EPHB2: variants seen among roughly 807,000 people sequenced by gnomAD.
EPHB2 encodes EPH receptor B2.
In EPHB2, 18 loss-of-function variants were observed where a neutral mutation model predicts 96.4. That is an observed-to-expected ratio of 0.19 (90% CI 0.13 to 0.28). EPHB2 has a LOEUF of 0.28. EPHB2 is among the 10% of genes least tolerant of loss of function. EPHB2 has a pLI of 1.00. For synonymous variants in EPHB2, 506 were observed against 534.1 expected, an observed-to-expected ratio of 0.95 and a Z score of 0.72; for missense variants, 989 against 1,355.4, an observed-to-expected ratio of 0.73 and a Z score of 4.25.
intron 9 of EPHB2, among the ~76,000 whole-genome samples, chr1:22,905,096 T>G (rs1254776719): frequency 6.6e-6 from 1 of 152,206 alleles, no homozygotes; most frequent in Non-Finnish European, 1.5e-5. Context: ...GGAAGATGGA[T>G]GGGTCATCTT....
chr1:22,721,773 A>C (rs1455670904), intron 1 of EPHB2, among the ~76,000 whole-genome samples: 5 of 147,686 alleles, frequency 3.4e-5, no homozygotes, highest in Non-Finnish European at 5.9e-5. Context: ...CTGCCACCGC[A>C]TCCAGCATTT....
intron 3 of EPHB2, among the ~76,000 whole-genome samples, chr1:22,819,148 A>G (rs955632920): frequency 3.3e-5 from 5 of 150,602 alleles, no homozygotes; most frequent in African/African-American, 4.9e-5. Context: ...CCTGAATTAG[A>G]TGACTTCTCA....
At chr1:22,821,156 C>T (rs1026330254) in intron 3 of EPHB2, among the ~76,000 whole-genome samples, 1 of 152,136 alleles carries the variant, frequency 6.6e-6, no homozygotes, top group South Asian at 2.1e-4. Context: ...AAAGAGGAAG[C>T]GGTAAAGATA....
At chr1:22,817,204 G>A (rs1194037138) in intron 3 of EPHB2, among the ~76,000 whole-genome samples, 2 of 152,174 alleles carry the variant, frequency 1.3e-5, no homozygotes, top group African/African-American at 4.8e-5. Context: ...GCTTTGATGG[G>A]ACCACCTGTG....
chr1:22,801,623 G>A (rs1048454371), intron 3 of EPHB2, among the ~76,000 whole-genome samples: 5 of 152,128 alleles, frequency 3.3e-5, no homozygotes, highest in African/African-American at 1.2e-4. Context: ...CACACGAGGG[G>A]ATGGCCTACA....
rs1228368009 is a variant in EPHB2, at chr1:22,910,479, G to A, written c.2600G>A (p.Arg867His). 10 of 1,612,998 alleles carry A rather than the reference G, an allele frequency of 6.2e-6. No homozygotes were observed. Among genetic ancestry groups the A allele is most frequent in the South Asian group, 4.4e-5 (4 of 91,086 alleles). The change falls in exon 14 of 16, where the codon CGC becomes CAC. Residue 867 changes from arginine to histidine, a missense_variant. Transcript: ENST00000374630. ...ATGCTGGACTGTTGGCAGAAGGACC[G>A]CAACCACCGGCCCAAGTTCGGCCAA... Reference protein sequence around the residue: ...QLMLDCWQKDRNHRPKFGQIV... With the variant: ...QLMLDCWQKDHNHRPKFGQIV...
chr1:22,913,864 G>A lies in EPHB2; in HGVS notation c.*294G>A, dbSNP rs748207756. 4 of 1,597,986 alleles carry A rather than the reference G, an allele frequency of 2.5e-6. No homozygotes were observed. Among genetic ancestry groups the A allele is most frequent in the Admixed American group, 1.8e-5 (1 of 56,494 alleles). ...AGGAAAGCAATGACTGTTCTTGCGG[G>A]GGATAAAAAAGGGCTTGGGAGATTC... On this transcript the variant is annotated 3_prime_UTR_variant, in exon 16 of 16. Transcript: ENST00000374630. The surrounding 1 kb of genome is among the most constrained non-coding windows in gnomAD (Gnocchi z 4.1).
chr1:22,765,846 C>A (rs1383573620), intron 1 of EPHB2, among the ~76,000 whole-genome samples: 2 of 152,146 alleles, frequency 1.3e-5, no homozygotes, highest in African/African-American at 2.4e-5. Context: ...AACCTCCCCA[C>A]CCTGGGAACC....
intron 5 of EPHB2, among the ~76,000 whole-genome samples, chr1:22,877,899 A>G (rs529577597): frequency 4.2e-4 from 64 of 152,264 alleles, no homozygotes; most frequent in Non-Finnish European, 8.1e-4. Flanking sequence ...CTGCTGAAGT[A>G]GAATCTCAGT....
rs1332401997 is a variant in EPHB2, at chr1:22,906,677, G to A, written c.1889-33G>A. The stretch of plus-strand genomic sequence containing the variant: ...AAGGTGGCCCTTCCACCTGGCAAGT[G>A]ACATCCTGTCTGTCTTGGTGTTTCT... On this transcript the variant is annotated intron_variant, in intron 10 of 15. Coordinates refer to ENST00000374630, the MANE Select transcript of EPHB2 (RefSeq NM_017449.5). This position sits in a 1 kb window ranked among gnomAD's most constrained non-coding sequence, Gnocchi z 4.8. The A allele has an allele frequency of 2.5e-6, 4 of 1,613,790 alleles. No individual in the cohort carries two copies. Among genetic ancestry groups the A allele is most frequent in the South Asian group, 1.1e-5 (1 of 90,998 alleles).
chr1:22,814,438 T>A (rs1465810333), intron 3 of EPHB2, among the ~76,000 whole-genome samples: 3 of 152,026 alleles, frequency 2.0e-5, no homozygotes, highest in Non-Finnish European at 4.4e-5. Context: ...GGAGGTGGGC[T>A]TATATACCTA....
chr1:22,774,710 G>A, intron 1 of EPHB2: 1 of 752,056 alleles, frequency 1.3e-6, no homozygotes, highest in Non-Finnish European at 1.6e-6. Flanking sequence ...CCTTCAGGCA[G>A]CAGGAGCTCT....
intron 3 of EPHB2, among the ~76,000 whole-genome samples, chr1:22,792,433 G>A (rs769818454): frequency 5.9e-5 from 9 of 152,176 alleles, no homozygotes; most frequent in Middle Eastern, 3.2e-3. Flanking sequence ...CCAGGGCTGA[G>A]ACCACACAGG....
At chr1:22,729,126 T>C (rs1643648931) in intron 1 of EPHB2, among the ~76,000 whole-genome samples, 1 of 152,232 alleles carries the variant, frequency 6.6e-6, no homozygotes, top group South Asian at 2.1e-4. Context: ...CCTGAACTTC[T>C]GGGCAGGTTG....
chr1:22,847,529 A>G (rs940518894), intron 3 of EPHB2, among the ~76,000 whole-genome samples: 5 of 152,172 alleles, frequency 3.3e-5, no homozygotes, highest in African/African-American at 1.2e-4. Flanking sequence ...ACAAAAAGGA[A>G]ACAGGAAAGC....
intron 1 of EPHB2, among the ~76,000 whole-genome samples, chr1:22,732,960 A>G (rs2148354166): frequency 6.6e-6 from 1 of 152,368 alleles, no homozygotes; most frequent in East Asian, 1.9e-4. Flanking sequence ...AAGAGATGAA[A>G]GGATTTGCCC....
intron 1 of EPHB2, among the ~76,000 whole-genome samples, chr1:22,738,251 G>A: frequency 6.6e-6 from 1 of 152,102 alleles, no homozygotes; most frequent in East Asian, 1.9e-4. Flanking sequence ...TCATTTTCTT[G>A]TTCCTTTGTA....
intron 1 of EPHB2, among the ~76,000 whole-genome samples, chr1:22,762,968 C>T (rs1161362562): frequency 6.6e-6 from 1 of 152,136 alleles, no homozygotes; most frequent in Non-Finnish European, 1.5e-5. Context: ...GTGCCTATGA[C>T]CAGCCACCAC....
chr1:22,815,593 G>A (rs1645064335), intron 3 of EPHB2, among the ~76,000 whole-genome samples: 1 of 152,256 alleles, frequency 6.6e-6, no homozygotes, highest in Admixed American at 6.5e-5. Context: ...GCCCTTCTTG[G>A]CTCTCAATTT....
Sources: allele counts gnomAD v4.1 joint callset (sites outside exome capture counted in the v4.1 genomes callset), GRCh38; gene constraint gnomAD v4.1.1; non-coding constraint Gnocchi (gnomAD v3.1); transcripts MANE v1.5; gene names NCBI Gene and HGNC (gene_info 2026-07-23, HGNC 2026-07-21).